DMD: variants seen among roughly 807,000 people sequenced by gnomAD.
DMD encodes dystrophin, also known as mutant dystrophin.
Under a neutral mutation model 330.1 loss-of-function variants are expected in DMD, and 63 were observed. That is an observed-to-expected ratio of 0.19 (90% CI 0.16 to 0.24). The LOEUF (loss-of-function observed/expected upper bound fraction) is 0.24, where lower values mean the gene tolerates loss of function less well. DMD is among the 10% of genes least tolerant of loss of function. DMD has a pLI of 1.00. For synonymous variants in DMD, 1,223 were observed against 959.8 expected, an observed-to-expected ratio of 1.27 and a Z score of -5.07; for missense variants, 3,344 against 2,684.1, an observed-to-expected ratio of 1.25 and a Z score of -5.43.
At chrX:32,336,035 A>G (rs2097712333) in intron 41 of DMD, among the ~76,000 whole-genome samples, 1 of 103,422 alleles carries the variant, frequency 9.7e-6, no homozygotes, top group African/African-American at 3.6e-5. Flanking sequence ...ATAACGTTAT[A>G]TATAACGTGT....
At chrX:33,302,184 G>A (rs1421234179) in intron 1 of DMD, among the ~76,000 whole-genome samples, 2 of 111,331 alleles carry the variant, frequency 1.8e-5, no homozygotes, top group Non-Finnish European at 3.8e-5. Context: ...TTAGGTTGCT[G>A]GTCATTTCCA....
chrX:32,328,892 C>T (rs980944481), intron 41 of DMD, among the ~76,000 whole-genome samples: 4 of 111,095 alleles, frequency 3.6e-5, no homozygotes, highest in Admixed American at 9.6e-5. Context: ...AAAAATTGCT[C>T]TTTTTTTTCT....
At chrX:32,802,026 T>C (rs1279837318) in intron 7 of DMD, among the ~76,000 whole-genome samples, 1 of 112,094 alleles carries the variant, frequency 8.9e-6, no homozygotes, top group Non-Finnish European at 1.9e-5. Context: ...TTTAAAGTAG[T>C]TTTTTTCTAA....
intron 55 of DMD, among the ~76,000 whole-genome samples, chrX:31,572,257 G>A (rs1385614996): frequency 8.9e-6 from 1 of 112,528 alleles, no homozygotes; most frequent in African/African-American, 3.2e-5. Flanking sequence ...GAAAAATTTA[G>A]TATAGTAGAA....
chrX:32,630,674 C>G (rs187736736), intron 11 of DMD, among the ~76,000 whole-genome samples: 1 of 111,454 alleles, frequency 9.0e-6, no homozygotes, highest in Non-Finnish European at 1.9e-5. Context: ...TTGTTCGATT[C>G]TTTTTATTTC....
At chrX:32,938,933 G>C (rs2090201916) in intron 2 of DMD, among the ~76,000 whole-genome samples, 2 of 110,480 alleles carry the variant, frequency 1.8e-5, no homozygotes, top group Non-Finnish European at 1.9e-5. Context: ...CGACAATACT[G>C]ACAACATTAT....
chrX:32,241,639 C>T (rs995693715), intron 43 of DMD, among the ~76,000 whole-genome samples: 6 of 112,333 alleles, frequency 5.3e-5, no homozygotes, highest in African/African-American at 1.3e-4. Flanking sequence ...CAGGGACTTC[C>T]GCCCCATTCT....
chrX:31,167,184 AG>A (rs2039510619), intron 74 of DMD, among the ~76,000 whole-genome samples: 1 of 111,672 alleles, frequency 9.0e-6, no homozygotes, highest in Non-Finnish European at 1.9e-5. Flanking sequence ...ATTTAGAGTC[AG>A]AAAAATCTGG....
rs1383701636 is a variant in DMD at position 32,887,770 on chromosome X, A to AAAAAAAAAAAAAAAAAAAAAAAAAAAAC, written c.94-37951_94-37950insGTTTTTTTTTTTTTTTTTTTTTTTTTTT. ...CAAAAAAAAAAAAAAAAAAAAAAAA[A>AAAAAAAAAAAAAAAAAAAAAAAAAAAAC]AAAAAACATCAACTAAAAGCTTATG... On this transcript the variant is annotated intron_variant, in intron 2 of 78. Transcript: ENST00000357033. Among the ~76,000 whole-genome samples, 5 of 70,361 alleles carry AAAAAAAAAAAAAAAAAAAAAAAAAAAAC rather than the reference A, an allele frequency of 7.1e-5. 1 individual carries two copies. Among genetic ancestry groups the AAAAAAAAAAAAAAAAAAAAAAAAAAAAC allele is most frequent in the Non-Finnish European group, 1.2e-4 (4 of 34,640 alleles). 61.1% of individuals were successfully genotyped at this position (70,361 alleles called of 115,157 possible).
intron 1 of DMD, among the ~76,000 whole-genome samples, chrX:33,094,264 C>T (rs1426279203): frequency 9.0e-6 from 1 of 111,413 alleles, no homozygotes; most frequent in Non-Finnish European, 1.9e-5. Context: ...ATGCCAGGCC[C>T]TGAGTGAGTT....
intron 50 of DMD, among the ~76,000 whole-genome samples, chrX:31,796,055 C>T (rs1475032007): frequency 2.7e-5 from 3 of 111,735 alleles, no homozygotes; most frequent in African/African-American, 6.5e-5. Flanking sequence ...AATCCATGAA[C>T]GGCCTTGTGT....
chrX:32,545,938 C>T (rs768565602), intron 16 of DMD, among the ~76,000 whole-genome samples: 33 of 109,239 alleles, frequency 3.0e-4, no homozygotes, highest in Non-Finnish European at 5.1e-4. Context: ...GAATGTTATT[C>T]AAATGCTAAA....
chrX:31,404,756 G>A (rs764365654), intron 60 of DMD, among the ~76,000 whole-genome samples: 2 of 111,928 alleles, frequency 1.8e-5, no homozygotes, highest in Non-Finnish European at 3.8e-5. Context: ...AGGAAAGGAG[G>A]TATGGATGTG....
chrX:31,324,308 T>C (rs2056622272), intron 61 of DMD, among the ~76,000 whole-genome samples: 1 of 110,967 alleles, frequency 9.0e-6, no homozygotes, highest in African/African-American at 3.3e-5. Flanking sequence ...TGATGAATCC[T>C]ATACGTGAAA....
At chrX:31,971,042 C>A (rs1011296714) in intron 44 of DMD, among the ~76,000 whole-genome samples, 1 of 111,513 alleles carries the variant, frequency 9.0e-6, no homozygotes, top group Non-Finnish European at 1.9e-5. Context: ...AATGCGCATA[C>A]AAATCTCCTG....
At chrX:32,861,956 A>T (rs184275104) in intron 2 of DMD, among the ~76,000 whole-genome samples, 6 of 112,244 alleles carry the variant, frequency 5.3e-5, no homozygotes, top group East Asian at 2.8e-4. Context: ...CCCATGCCTC[A>T]TATTTCTATC....
At chrX:31,791,434 G>A (rs2091564863) in intron 50 of DMD, among the ~76,000 whole-genome samples, 1 of 111,514 alleles carries the variant, frequency 9.0e-6, no homozygotes, top group African/African-American at 3.3e-5. Flanking sequence ...TTACATATCT[G>A]TAGCCCCTGA....
At chrX:32,773,446 G>A (rs2073830113) in intron 7 of DMD, among the ~76,000 whole-genome samples, 1 of 109,820 alleles carries the variant, frequency 9.1e-6, no homozygotes, top group Admixed American at 9.7e-5. Context: ...TAAATTATTG[G>A]TAACTATAAT....
At chrX:32,806,302 A>C (rs762401689) in intron 7 of DMD, among the ~76,000 whole-genome samples, 1 of 111,505 alleles carries the variant, frequency 9.0e-6, no homozygotes, top group East Asian at 2.8e-4. Flanking sequence ...TTCTCTGATA[A>C]AATAGACTTT....
Sources: gnomAD v4.1 joint callset for allele counts (sites outside exome capture counted in the v4.1 genomes callset) on GRCh38, gnomAD v4.1.1 for gene constraint, MANE v1.5 for transcripts, NCBI Gene and HGNC (gene_info 2026-07-23, HGNC 2026-07-21) for gene names.